Variants in SPON1 observed in about 807,000 individuals in gnomAD.
SPON1 encodes the protein spondin-1.
Under a neutral mutation model 111.7 loss-of-function variants are expected in SPON1, and 52 were observed. The ratio of observed to expected loss-of-function variants is 0.47; its 90% CI spans 0.37 to 0.59. SPON1 has a LOEUF of 0.59. Ranked by LOEUF, SPON1 falls within the 20% of genes least tolerant of loss-of-function variation. The probability of loss-of-function intolerance (pLI) is 0.00; values close to 1 mark genes in which losing one functional copy is unlikely to be tolerated. For missense variants in SPON1, 957 were observed against 1,068.5 expected, an observed-to-expected ratio of 0.90 and a Z score of 1.46; for synonymous variants, 410 against 395.8, an observed-to-expected ratio of 1.04 and a Z score of -0.43.
chr11:14,049,785 T>A, intron 3 of SPON1, among the ~76,000 whole-genome samples: 1 of 152,198 alleles, frequency 6.6e-6, no homozygotes, highest in East Asian at 1.9e-4. Flanking sequence ...GGCCAAAACC[T>A]GCCCTAAACT....
intron 5 of SPON1, among the ~76,000 whole-genome samples, chr11:14,115,791 C>T (rs1554925913): frequency 6.6e-6 from 1 of 151,894 alleles, no homozygotes; most frequent in East Asian, 1.9e-4. Context: ...TGGTTAGATA[C>T]TAGATGTGGA....
At chr11:14,031,449 T>C (rs2133808685) in intron 2 of SPON1, among the ~76,000 whole-genome samples, 1 of 152,352 alleles carries the variant, frequency 6.6e-6, no homozygotes, top group Non-Finnish European at 1.5e-5. Flanking sequence ...TGACAAAAAG[T>C]ACACTGAATA....
chr11:14,257,685 C>T, intron 10 of SPON1, 31 bp from the exon 11 acceptor site: 1 of 1,567,508 alleles, frequency 6.4e-7, no homozygotes, highest in Non-Finnish European at 8.7e-7. Flanking sequence ...CCATAGGTTC[C>T]CAGGGAAAAC....
At chr11:14,260,026 G>A (rs1554941745) in intron 13 of SPON1, among the ~76,000 whole-genome samples, 1 of 152,158 alleles carries the variant, frequency 6.6e-6, no homozygotes, top group Non-Finnish European at 1.5e-5. Flanking sequence ...AATACATTTA[G>A]GCGGGACATA....
chr11:13,991,753 G>A lies in SPON1; in HGVS notation c.345+8800G>A, dbSNP rs552549363. Among the ~76,000 whole-genome samples, 70 of 152,184 alleles carry A rather than the reference G, an allele frequency of 4.6e-4. 1 individual carries two copies. Among genetic ancestry groups the A allele is most frequent in the African/African-American group, 1.4e-3 (59 of 41,530 alleles). ...TCTTTGATGTTGGTGACCTTCTGATGGGGTCTTTGAGTGGACGTGCTATTC... is the reference window on the plus strand; with the variant it reads ...TCTTTGATGTTGGTGACCTTCTGATAGGGTCTTTGAGTGGACGTGCTATTC... On this transcript the variant is annotated intron_variant, in intron 2 of 15. Coordinates refer to ENST00000576479, the MANE Select transcript of SPON1 (RefSeq NM_006108.4).
chr11:14,265,245 T>C (rs1167180413), intron 15 of SPON1, among the ~76,000 whole-genome samples: 1 of 152,234 alleles, frequency 6.6e-6, no homozygotes, highest in Non-Finnish European at 1.5e-5. Flanking sequence ...TTTTTGCTCA[T>C]GTCCCATTGG....
intron 6 of SPON1, among the ~76,000 whole-genome samples, chr11:14,167,033 C>A (rs1468831635): frequency 4.0e-5 from 6 of 151,884 alleles, no homozygotes; most frequent in Non-Finnish European, 5.9e-5. Flanking sequence ...CAGTCTGTTA[C>A]CAAAATAATT....
chr11:14,115,303 A>G (rs1849258873), intron 5 of SPON1, among the ~76,000 whole-genome samples: 1 of 152,218 alleles, frequency 6.6e-6, no homozygotes, highest in Admixed American at 6.5e-5. Flanking sequence ...ACATATACAC[A>G]GAAAAGTGGG....
chr11:14,051,805 G>A (rs1486934283), intron 3 of SPON1, among the ~76,000 whole-genome samples: 4 of 152,084 alleles, frequency 2.6e-5, no homozygotes, highest in African/African-American at 9.7e-5. Context: ...CAAATAATAA[G>A]TAGCTTATAT....
intron 2 of SPON1, among the ~76,000 whole-genome samples, chr11:14,040,366 A>G (rs186175978): frequency 3.2e-4 from 48 of 152,334 alleles, no homozygotes; most frequent in African/African-American, 1.1e-3. Flanking sequence ...TCAAAAGTGT[A>G]AAGTTGAATG....
At chr11:14,174,035 G>C (rs1205232382) in intron 6 of SPON1, among the ~76,000 whole-genome samples, 1 of 152,122 alleles carries the variant, frequency 6.6e-6, no homozygotes, top group Non-Finnish European at 1.5e-5. Flanking sequence ...GCCCTTGGAG[G>C]AACAGGGCCA....
chr11:14,252,412 G>A (rs1472910890), intron 7 of SPON1, among the ~76,000 whole-genome samples: 2 of 150,466 alleles, frequency 1.3e-5, no homozygotes, highest in African/African-American at 2.5e-5. Flanking sequence ...TGCCTCAGCC[G>A]AAGGCAAGAC....
intron 2 of SPON1, among the ~76,000 whole-genome samples, chr11:14,003,893 C>A (rs559509926): frequency 8.9e-4 from 135 of 152,214 alleles, no homozygotes; most frequent in African/African-American, 2.8e-3. Flanking sequence ...TCCTATATAA[C>A]TGTTATTTTG....
At chr11:14,240,122 A>G (rs1848909492) in intron 6 of SPON1, among the ~76,000 whole-genome samples, 1 of 152,338 alleles carries the variant, frequency 6.6e-6, no homozygotes, top group East Asian at 1.9e-4. Flanking sequence ...CAATTAGAGA[A>G]CATCCCCTGC....
chr11:13,971,251 C>G (rs191539214), intron 1 of SPON1, among the ~76,000 whole-genome samples: 15 of 152,290 alleles, frequency 9.8e-5, no homozygotes, highest in Admixed American at 6.5e-5. Context: ...GAAGAGAGAG[C>G]AGTTGCATCA....
At chr11:14,193,362 T>G (rs1456159103) in intron 6 of SPON1, among the ~76,000 whole-genome samples, 1 of 152,076 alleles carries the variant, frequency 6.6e-6, no homozygotes, top group Admixed American at 6.6e-5. Context: ...ACCCCAATCT[T>G]GAAGGTACCC....
chr11:14,124,695 G>A (rs1847435077), intron 5 of SPON1, among the ~76,000 whole-genome samples: 1 of 152,170 alleles, frequency 6.6e-6, no homozygotes, highest in Non-Finnish European at 1.5e-5. Context: ...TAGCATGAAA[G>A]TGGCCATAAA....
intron 6 of SPON1, among the ~76,000 whole-genome samples, chr11:14,175,033 A>T (rs1454916022): frequency 9.1e-6 from 1 of 109,938 alleles, no homozygotes; most frequent in Non-Finnish European, 1.8e-5. Flanking sequence ...TCAGAAGATA[A>T]CCATGGGTGG....
At chr11:14,235,161 A>T (rs1015446128) in intron 6 of SPON1, among the ~76,000 whole-genome samples, 22 of 152,140 alleles carry the variant, frequency 1.4e-4, no homozygotes, top group Admixed American at 6.5e-4. Flanking sequence ...GATGAGTGTC[A>T]CTTCACACTG....
Sources: allele counts gnomAD v4.1 joint callset (sites outside exome capture counted in the v4.1 genomes callset), GRCh38; gene constraint gnomAD v4.1.1; transcripts MANE v1.5; gene names NCBI Gene and HGNC (gene_info 2026-07-23, HGNC 2026-07-21).